NTNG1: variants seen among roughly 807,000 people sequenced by gnomAD.
NTNG1 encodes netrin G1.
In NTNG1, 16 loss-of-function variants were observed where a neutral mutation model predicts 54.0. The observed-to-expected ratio is 0.30, with a 90% CI of 0.20 to 0.45. NTNG1 has a LOEUF of 0.45. Among genes scored for constraint, NTNG1 ranks in the 20% least tolerant of loss-of-function variants. NTNG1 has a pLI of 1.00. For synonymous variants in NTNG1, 255 were observed against 263.1 expected, an observed-to-expected ratio of 0.97 and a Z score of 0.30; for missense variants, 530 against 678.7, an observed-to-expected ratio of 0.78 and a Z score of 2.43.
chr1:107,240,401 C>T (rs1206028157), intron 2 of NTNG1, among the ~76,000 whole-genome samples: 1 of 151,916 alleles, frequency 6.6e-6, no homozygotes, highest in African/African-American at 2.4e-5. Flanking sequence ...AGCCAGTGTA[C>T]CTGACCTTTG....
intron 3 of NTNG1, among the ~76,000 whole-genome samples, chr1:107,383,116 T>A (rs529231261): frequency 6.6e-6 from 1 of 152,230 alleles, no homozygotes; most frequent in African/African-American, 2.4e-5. Context: ...CTCAGCCTGA[T>A]CCATTTCTAA....
chr1:107,359,015 A>G (rs1424600566), intron 3 of NTNG1, among the ~76,000 whole-genome samples: 1 of 152,216 alleles, frequency 6.6e-6, no homozygotes, highest in Non-Finnish European at 1.5e-5. Context: ...GGACGTCTCT[A>G]TCACCAAATG....
At chr1:107,297,540 C>A (rs1666059641) in intron 2 of NTNG1, among the ~76,000 whole-genome samples, 1 of 151,898 alleles carries the variant, frequency 6.6e-6, no homozygotes, top group African/African-American at 2.4e-5. Flanking sequence ...AGGAGTGGAT[C>A]CCTGGAATCT....
At chr1:107,150,289 A>G (rs1016876923) in intron 2 of NTNG1, among the ~76,000 whole-genome samples, 2 of 152,184 alleles carry the variant, frequency 1.3e-5, no homozygotes, top group South Asian at 2.1e-4. Context: ...AGTTTATTCA[A>G]ACACATTAGC....
chr1:107,179,416 C>T (rs1024576104), intron 2 of NTNG1, among the ~76,000 whole-genome samples: 1 of 152,024 alleles, frequency 6.6e-6, no homozygotes, highest in African/African-American at 2.4e-5. Context: ...TTTTTTAAAA[C>T]ACCTGTGTCA....
chr1:107,333,165 G>T (rs138786105), intron 3 of NTNG1, among the ~76,000 whole-genome samples: 1 of 151,984 alleles, frequency 6.6e-6, no homozygotes, highest in African/African-American at 2.4e-5. Flanking sequence ...GAGGATAGAG[G>T]ACAAGTCATT....
At chr1:107,445,610 T>C (rs1305665125) in intron 7 of NTNG1, among the ~76,000 whole-genome samples, 2 of 152,086 alleles carry the variant, frequency 1.3e-5, no homozygotes, top group Non-Finnish European at 2.9e-5. Context: ...TGAATATTTA[T>C]TGTTAATCAA....
intron 7 of NTNG1, among the ~76,000 whole-genome samples, chr1:107,460,189 T>A (rs1364647743): frequency 6.6e-6 from 1 of 152,174 alleles, no homozygotes; most frequent in Non-Finnish European, 1.5e-5. Context: ...TGGGTTCTCG[T>A]CGTGAGCTTC....
intron 3 of NTNG1, among the ~76,000 whole-genome samples, chr1:107,354,468 CAAAAAAAAAAAAA>C (rs398049560): frequency 3.9e-4 from 26 of 66,132 alleles, no homozygotes; most frequent in Middle Eastern, 8.9e-3. Flanking sequence ...GACTCCATCT[CAAAAAAAAAAAAA>C]AAAAAAAAAA....
chr1:107,259,591 T>G (rs2101645645), intron 2 of NTNG1, among the ~76,000 whole-genome samples: 1 of 152,338 alleles, frequency 6.6e-6, no homozygotes, highest in South Asian at 2.1e-4. Context: ...CCTCAAGCTC[T>G]TCTCTTTAAT....
At chr1:107,448,962 C>T (rs1249847123) in intron 7 of NTNG1, among the ~76,000 whole-genome samples, 1 of 151,886 alleles carries the variant, frequency 6.6e-6, no homozygotes, top group Non-Finnish European at 1.5e-5. Context: ...AAAGTGAGCT[C>T]CAAAAGATAA....
rs1678754150 is a variant in NTNG1, at chr1:107,482,055, C to CAAAAAAAAG, written c.*1223_*1224insGAAAAAAAA. 1 of 114,468 alleles carries CAAAAAAAAG rather than the reference C, an allele frequency of 8.7e-6. No homozygotes were observed. Among genetic ancestry groups the CAAAAAAAAG allele is most frequent in the Non-Finnish European group, 1.8e-5 (1 of 55,494 alleles). The allele number at this position is 114,468 out of a possible 1,614,324, so 7.1% of individuals were successfully genotyped here. On this transcript the variant is annotated 3_prime_UTR_variant, in exon 8 of 8. Coordinates refer to ENST00000370068, the MANE Select transcript of NTNG1 (RefSeq NM_001113226.3). ...TTCCACTTGGGAAAAATTACAACAG[C>CAAAAAAAAG]AAAAAAAAAAAAAAAAAAAAAAAAA... is the stretch of plus-strand genomic sequence containing the variant.
chr1:107,406,091 T>A (rs1673397919), intron 4 of NTNG1, among the ~76,000 whole-genome samples: 1 of 152,160 alleles, frequency 6.6e-6, no homozygotes, highest in Admixed American at 6.6e-5. Context: ...AATCAAGATA[T>A]TTTTTGTGTT....
intron 7 of NTNG1, among the ~76,000 whole-genome samples, chr1:107,476,414 T>C (rs1678331651): frequency 6.6e-6 from 1 of 152,170 alleles, no homozygotes; most frequent in Non-Finnish European, 1.5e-5. Context: ...CTATCTCCTG[T>C]TCCATTAAAT....
chr1:107,176,072 G>A (rs534402090), intron 2 of NTNG1, among the ~76,000 whole-genome samples: 11 of 152,238 alleles, frequency 7.2e-5, no homozygotes, highest in African/African-American at 2.6e-4. Context: ...CCTACCTTCA[G>A]GGAACATATG....
At chr1:107,355,382 T>C (rs1037750334) in intron 3 of NTNG1, among the ~76,000 whole-genome samples, 9 of 152,120 alleles carry the variant, frequency 5.9e-5, no homozygotes, top group Admixed American at 2.0e-4. Flanking sequence ...TAGCTTATAA[T>C]TGATGGTAAT....
rs755223720 is a variant in NTNG1 at position 107,297,216 on chromosome 1, C to CAT, written c.247-27037_247-27036dup. 8.4e-3 allele frequency among the ~76,000 whole-genome samples: 130 copies of CAT among 15,502 alleles called. 1 individual carries two copies. The highest frequency in any genetic ancestry group is 0.021 in the African/African-American group (122 of 5,900). 10.2% of individuals were successfully genotyped at this position (15,502 alleles called of 152,430 possible). ...ATATAACATCATATATATATACCATCATATATATATATATATATATATATA... is the reference window on the plus strand; with the variant it reads ...ATATAACATCATATATATATACCATCATATATATATATATATATATATATATA... On this transcript the variant is annotated intron_variant, in intron 2 of 7. Coordinates refer to ENST00000370068, the MANE Select transcript of NTNG1 (RefSeq NM_001113226.3).
chr1:107,431,770 G>A (rs922044999), intron 6 of NTNG1, among the ~76,000 whole-genome samples: 1 of 152,298 alleles, frequency 6.6e-6, no homozygotes, highest in East Asian at 1.9e-4. Context: ...TATTTGAAAT[G>A]CTGAAAAATA....
At chr1:107,185,846 A>T (rs954094451) in intron 2 of NTNG1, among the ~76,000 whole-genome samples, 11 of 144,438 alleles carry the variant, frequency 7.6e-5, no homozygotes, top group Non-Finnish European at 1.7e-4. Context: ...CCACATCCTT[A>T]TCCAGTCTGC....
Sources: allele counts gnomAD v4.1 joint callset (sites outside exome capture counted in the v4.1 genomes callset), GRCh38; gene constraint gnomAD v4.1.1; transcripts MANE v1.5; gene names NCBI Gene and HGNC (gene_info 2026-07-23, HGNC 2026-07-21).